The following DPP6 variants were observed in gnomAD, a reference collection of about 807,000 sequenced individuals.
DPP6 encodes the protein A-type potassium channel modulatory protein DPP6.
A neutral mutation model predicts 122.6 loss-of-function variants in DPP6; 69 were observed. The observed-to-expected ratio is 0.56, with a 90% CI of 0.46 to 0.69. The LOEUF (loss-of-function observed/expected upper bound fraction) is 0.69. Ranked by LOEUF, DPP6 falls within the 30% of genes least tolerant of loss-of-function variation. DPP6 has a pLI of 0.00. For synonymous variants in DPP6, 418 were observed against 433.1 expected (o/e 0.97, Z 0.43); for missense variants, 928 against 1,116.9 (o/e 0.83, Z 2.41).
chr7:154,546,368 C>T (rs551750420), intron 4 of DPP6, among the ~76,000 whole-genome samples: 7 of 151,384 alleles, frequency 4.6e-5, no homozygotes, highest in South Asian at 4.2e-4. Context: ...TAATTTTAAT[C>T]GGGATTTAAA....
chr7:154,373,130 C>CA (rs1812819834), intron 1 of DPP6, among the ~76,000 whole-genome samples: 1 of 152,036 alleles, frequency 6.6e-6, no homozygotes, highest in African/African-American at 2.4e-5. Context: ...CAAGTATGAG[C>CA]AAAAAATAAT....
the DPP6 span, among the ~76,000 whole-genome samples, chr7:153,844,910 A>G: frequency 6.6e-6 from 1 of 152,208 alleles, no homozygotes; most frequent in Admixed American, 6.5e-5. Flanking sequence ...CACCCATGTA[A>G]ATAAATTTAT....
At chr7:154,617,999 C>T (rs777020086) in intron 5 of DPP6, among the ~76,000 whole-genome samples, 4 of 152,036 alleles carry the variant, frequency 2.6e-5, no homozygotes, top group Non-Finnish European at 4.4e-5. Flanking sequence ...GCTGCAGACC[C>T]GGGACTCAAA....
At chr7:154,703,461 A>G (rs1449663417) in intron 7 of DPP6, among the ~76,000 whole-genome samples, 1 of 152,112 alleles carries the variant, frequency 6.6e-6, no homozygotes, top group African/African-American at 2.4e-5. Context: ...TCTACTAAAA[A>G]TACAAAAATT....
the DPP6 span, among the ~76,000 whole-genome samples, chr7:153,793,796 G>A: frequency 6.6e-6 from 1 of 152,034 alleles, no homozygotes; most frequent in Non-Finnish European, 1.5e-5. Context: ...TCCCTGTACT[G>A]TGTGCAGCCT....
At chr7:154,417,431 CG>C (rs1563634411) in intron 1 of DPP6, among the ~76,000 whole-genome samples, 1 of 152,168 alleles carries the variant, frequency 6.6e-6, no homozygotes, top group East Asian at 1.9e-4. Context: ...ACTTTCTAAA[CG>C]GAAGTCCTAT....
chr7:154,017,870 T>G (rs1798503275), intron 1 of DPP6, among the ~76,000 whole-genome samples: 1 of 151,796 alleles, frequency 6.6e-6, no homozygotes, highest in Non-Finnish European at 1.5e-5. Context: ...TCTTCATAAG[T>G]GAGGAGATAA....
chr7:154,345,206 GGA>G (rs1022377057), intron 1 of DPP6, among the ~76,000 whole-genome samples: 8 of 152,062 alleles, frequency 5.3e-5, no homozygotes, highest in African/African-American at 1.9e-4. Flanking sequence ...GGGCAGGAGG[GGA>G]GAGAGAGTGG....
At chr7:154,218,314 C>G (rs1800117841) in intron 1 of DPP6, among the ~76,000 whole-genome samples, 1 of 152,130 alleles carries the variant, frequency 6.6e-6, no homozygotes, top group Non-Finnish European at 1.5e-5. Flanking sequence ...CCTGAACTGC[C>G]CAGGCTTACA....
intron 1 of DPP6, among the ~76,000 whole-genome samples, chr7:154,411,215 A>C (rs1816568803): frequency 6.6e-6 from 1 of 152,186 alleles, no homozygotes; most frequent in African/African-American, 2.4e-5. Flanking sequence ...CTCTCATTGC[A>C]TTCATCCTCC....
intron 1 of DPP6, among the ~76,000 whole-genome samples, chr7:154,288,490 C>T (rs1354151332): frequency 6.6e-6 from 1 of 152,228 alleles, no homozygotes; most frequent in Non-Finnish European, 1.5e-5. Flanking sequence ...AATCTCTCTG[C>T]ACATCTGACA....
chr7:154,369,815 C>G (rs1421422912), intron 1 of DPP6, among the ~76,000 whole-genome samples: 1 of 152,218 alleles, frequency 6.6e-6, no homozygotes, highest in Non-Finnish European at 1.5e-5. Flanking sequence ...AATCCACCTT[C>G]TGGCCTGACT....
At chr7:153,760,232 C>T in the DPP6 span, among the ~76,000 whole-genome samples, 1 of 152,098 alleles carries the variant, frequency 6.6e-6, no homozygotes, top group Non-Finnish European at 1.5e-5. Context: ...GCGCAGTATC[C>T]ATTTCCTCTC....
chr7:154,835,413 G>A lies in DPP6; in HGVS notation c.1667-18367G>A, dbSNP rs147962613. On this transcript the variant is annotated intron_variant, in intron 16 of 25. Coordinates refer to ENST00000377770, the MANE Select transcript of DPP6 (RefSeq NM_130797.4). ...AGACAATCTATTTCTGTTGTTTTAA[G>A]CTGCCCGGTCTGTGGGACCTTGTTA... Among the ~76,000 whole-genome samples the A allele has an allele frequency of 2.5e-3, 375 of 152,254 alleles. 2 individuals carry two copies. The highest frequency in any genetic ancestry group is 8.8e-3 in the African/African-American group (366 of 41,538).
chr7:154,184,586 C>T (rs1798261460), intron 1 of DPP6, among the ~76,000 whole-genome samples: 1 of 151,740 alleles, frequency 6.6e-6, no homozygotes, highest in Admixed American at 6.6e-5. Context: ...TGAATGCTTC[C>T]AAAGTGCCCG....
chr7:154,767,337 C>T (rs1385497006), intron 8 of DPP6, among the ~76,000 whole-genome samples: 1 of 152,114 alleles, frequency 6.6e-6, no homozygotes, highest in Non-Finnish European at 1.5e-5. Flanking sequence ...AGCACAATCA[C>T]CCACAAATTG....
upstream of DPP6, among the ~76,000 whole-genome samples, chr7:154,051,694 T>C (rs1268693552): frequency 6.6e-6 from 1 of 150,930 alleles, no homozygotes; most frequent in Non-Finnish European, 1.5e-5. Context: ...ATAATGAGAA[T>C]GGAGTCGCGG....
intron 3 of DPP6, among the ~76,000 whole-genome samples, chr7:154,477,269 G>GCAGCAC (rs58122844): frequency 6.6e-6 from 1 of 151,310 alleles, no homozygotes; most frequent in Non-Finnish European, 1.5e-5. Context: ...ACCACCACCA[G>GCAGCAC]CAGCACCAGC....
At chr7:154,776,292 T>C (rs935441223) in intron 10 of DPP6, among the ~76,000 whole-genome samples, 13 of 151,966 alleles carry the variant, frequency 8.6e-5, no homozygotes, top group Admixed American at 2.0e-4. Flanking sequence ...AGATAGGCCA[T>C]GCACCCTTTC....
Sources: gnomAD v4.1 joint callset for allele counts (sites outside exome capture counted in the v4.1 genomes callset) on GRCh38, gnomAD v4.1.1 for gene constraint, MANE v1.5 for transcripts, NCBI Gene and HGNC (gene_info 2026-07-23, HGNC 2026-07-21) for gene names.